The following SYN3 variants were observed in gnomAD, a reference collection of about 807,000 sequenced individuals.
The protein encoded by SYN3 is synapsin-3.
A neutral mutation model predicts 65.8 loss-of-function variants in SYN3; 35 were observed. The observed-to-expected ratio is 0.53, with a 90% confidence interval of 0.41 to 0.70. The LOEUF (loss-of-function observed/expected upper bound fraction) is 0.70. Among genes scored for constraint, SYN3 ranks in the 30% least tolerant of loss-of-function variants. The pLI, the probability that SYN3 is intolerant of heterozygous loss-of-function variation, is 0.00. For synonymous variants in SYN3, 270 were observed against 292.9 expected (o/e 0.92, Z 0.80); for missense variants, 680 against 749.0 (o/e 0.91, Z 1.08).
intron 3 of SYN3, among the ~76,000 whole-genome samples, chr22:32,962,812 C>CTATA (rs1601796316): frequency 1.7e-5 from 2 of 115,438 alleles, no homozygotes; most frequent in East Asian, 4.1e-4. Flanking sequence ...ATCTATCTAT[C>CTATA]TATCTATCTA....
At position 32,868,996 on chromosome 22, in the gene SYN3, GGAGTA is replaced by G; in HGVS notation, c.586_590del (p.Tyr196ArgfsTer16). 6.2e-7 allele frequency: 1 copy of G among 1,613,958 alleles called. No homozygotes were observed. On this transcript the variant is annotated frameshift_variant, in exon 5 of 14. Transcript: ENST00000358763. LOFTEE classifies it high-confidence loss of function. ...AGGGCTTGCTGCAGAAGTTGTAGAC[GGAGTA>G]GAGAGAGTTGACAGCAGGCAGCCCT...
intron 6 of SYN3, among the ~76,000 whole-genome samples, chr22:32,792,340 G>A (rs1395063754): frequency 6.6e-6 from 1 of 152,164 alleles, no homozygotes; most frequent in Non-Finnish European, 1.5e-5. Context: ...TTGAGAGATC[G>A]TTAAATCCAA....
chr22:32,655,704 G>A (rs939252013), intron 6 of SYN3, among the ~76,000 whole-genome samples: 13 of 152,244 alleles, frequency 8.5e-5, no homozygotes, highest in African/African-American at 3.1e-4. Flanking sequence ...AGATGGGACC[G>A]TCTAGCTGCA....
intron 1 of SYN3, among the ~76,000 whole-genome samples, chr22:33,055,983 T>C (rs1483604030): frequency 6.6e-6 from 1 of 152,176 alleles, no homozygotes; most frequent in African/African-American, 2.4e-5. Flanking sequence ...GTGTAACAAA[T>C]CATAGAGTTG....
chr22:32,705,386 GTCTC>G (rs1241627346), intron 6 of SYN3, among the ~76,000 whole-genome samples: 26 of 152,000 alleles, frequency 1.7e-4, no homozygotes, highest in African/African-American at 6.0e-4. Context: ...TTTATTTCTT[GTCTC>G]TCTATTTGAT....
chr22:32,516,354 T>TGG (rs1168918062), intron 13 of SYN3, among the ~76,000 whole-genome samples: 1 of 146,364 alleles, frequency 6.8e-6, no homozygotes, highest in Admixed American at 6.6e-5. Flanking sequence ...TTGATTTATT[T>TGG]ATTTATTTAT....
At chr22:32,614,221 T>A (rs749763132) in intron 6 of SYN3, among the ~76,000 whole-genome samples, 1 of 152,196 alleles carries the variant, frequency 6.6e-6, no homozygotes, top group Admixed American at 6.5e-5. Context: ...CAAAGTGACA[T>A]CTGACAGGAG....
chr22:32,600,587 G>T (rs1383117334), intron 6 of SYN3, among the ~76,000 whole-genome samples: 1 of 152,208 alleles, frequency 6.6e-6, no homozygotes, highest in African/African-American at 2.4e-5. Context: ...AGGGTGAATG[G>T]TGCAGACCAC....
chr22:32,822,939 AC>A (rs5845041), intron 6 of SYN3, among the ~76,000 whole-genome samples: 1 of 116,144 alleles, frequency 8.6e-6, no homozygotes, highest in Non-Finnish European at 1.9e-5. Flanking sequence ...CAAAAAAAAA[AC>A]AGAGAGAGAG....
intron 7 of SYN3, among the ~76,000 whole-genome samples, chr22:32,547,725 T>A (rs1247474101): frequency 2.6e-5 from 4 of 152,146 alleles, no homozygotes; most frequent in Non-Finnish European, 4.4e-5. Context: ...TCTGAATGGG[T>A]TTTGGCTCAG....
At chr22:33,000,330 C>A (rs933256824) in intron 2 of SYN3, among the ~76,000 whole-genome samples, 2 of 152,170 alleles carry the variant, frequency 1.3e-5, no homozygotes, top group African/African-American at 4.8e-5. Context: ...GCACCCCCAA[C>A]AGGAGAGAGT....
rs188836885 is a variant in SYN3, at chr22:32,509,033, C to T, written c.*4659G>A. ...TGAATATTAGTTAATTCAGCAGGGA[C>T]GGAATGTTAGGCTAGAGAATGTAGT... On this transcript the variant is annotated 3_prime_UTR_variant, in exon 14 of 14. Coordinates refer to ENST00000358763, the MANE Select transcript of SYN3 (RefSeq NM_003490.4). Among the ~76,000 whole-genome samples the T allele has an allele frequency of 5.9e-5, 9 of 152,238 alleles. No homozygotes were observed. The East Asian group carries it at 1.3e-3, about 23-fold the overall frequency.
At chr22:32,547,149 TC>T (rs1272406000) in intron 7 of SYN3, among the ~76,000 whole-genome samples, 1 of 152,042 alleles carries the variant, frequency 6.6e-6, no homozygotes, top group Non-Finnish European at 1.5e-5. Flanking sequence ...GGCTGTTTTT[TC>T]TTTGTCGTAT....
chr22:32,645,963 C>A (rs560001590), intron 6 of SYN3, among the ~76,000 whole-genome samples: 1 of 152,070 alleles, frequency 6.6e-6, no homozygotes, highest in South Asian at 2.1e-4. Flanking sequence ...GAATAAGGAA[C>A]AAGTCCCAAG....
At chr22:32,973,675 G>A (rs1292450135) in intron 3 of SYN3, among the ~76,000 whole-genome samples, 1 of 152,184 alleles carries the variant, frequency 6.6e-6, no homozygotes, top group Non-Finnish European at 1.5e-5. Context: ...AAACAATAGA[G>A]GGTGATACTT....
intron 7 of SYN3, among the ~76,000 whole-genome samples, chr22:32,577,788 C>T (rs1338954680): frequency 6.6e-6 from 1 of 152,198 alleles, no homozygotes; most frequent in Non-Finnish European, 1.5e-5. Context: ...TTCGTCTGTG[C>T]TGTTCCTTCT....
chr22:32,889,050 A>T (rs2146462176), intron 4 of SYN3, among the ~76,000 whole-genome samples: 1 of 152,342 alleles, frequency 6.6e-6, no homozygotes, highest in African/African-American at 2.4e-5. Flanking sequence ...ATGGCATCCC[A>T]AAGGGTGCCA....
intron 12 of SYN3, 141 bp downstream of exon 12, chr22:32,527,777 C>A (rs1451729111): frequency 4.3e-6 from 3 of 692,454 alleles, no homozygotes; most frequent in Admixed American, 2.9e-5. Flanking sequence ...TTTGACCAAC[C>A]CCATAGTCTC....
intron 10 of SYN3, among the ~76,000 whole-genome samples, chr22:32,532,876 C>T (rs1029920300): frequency 6.6e-6 from 1 of 151,940 alleles, no homozygotes; most frequent in Non-Finnish European, 1.5e-5. Context: ...GGGCTGGACG[C>T]GGCACTGGAG....
Sources: allele counts gnomAD v4.1 joint callset (sites outside exome capture counted in the v4.1 genomes callset), GRCh38; gene constraint gnomAD v4.1.1; transcripts MANE v1.5; gene names NCBI Gene and HGNC (gene_info 2026-07-23, HGNC 2026-07-21).